TBC1D4: variants seen among roughly 807,000 people sequenced by gnomAD.
TBC1D4 encodes the protein TBC (Tre-2, BUB2, CDC16) domain-containing protein.
Under a neutral mutation model 142.5 loss-of-function variants are expected in TBC1D4, and 121 were observed. The observed-to-expected ratio is 0.85, with a 90% confidence interval of 0.73 to 0.99. The LOEUF is 0.99. Among genes scored for constraint, TBC1D4 ranks in the 50% least tolerant of loss-of-function variants. The pLI is 0.00. For missense variants in TBC1D4, 1,475 were observed against 1,606.6 expected, an observed-to-expected ratio of 0.92 and a Z score of 1.40; for synonymous variants, 630 against 628.2, an observed-to-expected ratio of 1.00 and a Z score of -0.04.
At chr13:75,313,610 C>T (rs1022713362) in intron 12 of TBC1D4, among the ~76,000 whole-genome samples, 1 of 152,216 alleles carries the variant, frequency 6.6e-6, no homozygotes, top group African/African-American at 2.4e-5. Context: ...CAGCCTCGAC[C>T]TCCCAGGCTC....
rs952952907 is a variant in TBC1D4, at chr13:75,405,817, CAA to C, written c.499-43212_499-43211del. On this transcript the variant is annotated intron_variant, in intron 1 of 20. Coordinates refer to ENST00000377636, the MANE Select transcript of TBC1D4 (RefSeq NM_014832.5). The stretch of plus-strand genomic sequence containing the variant: ...CTATGTACAAAATAAAGCACAGTTT[CAA>C]AGAGTAGACCCAAAAAAATGGAAGT... Among the ~76,000 whole-genome samples the C allele has an allele frequency of 1.0e-4, 11 of 105,468 alleles. No homozygotes were observed. The Admixed American group carries it at 1.2e-3, about 11-fold the overall frequency. The allele number at this position is 105,468 out of a possible 152,430, so 69.2% of individuals were successfully genotyped here.
chr13:75,460,668 C>T (rs1457097177), intron 1 of TBC1D4, among the ~76,000 whole-genome samples: 1 of 152,118 alleles, frequency 6.6e-6, no homozygotes, highest in African/African-American at 2.4e-5. Flanking sequence ...CGTCTGTAAT[C>T]CCAGCACTTT....
At chr13:75,409,041 G>GCA (rs138532626) in intron 1 of TBC1D4, among the ~76,000 whole-genome samples, 7,956 of 150,246 alleles carry the variant, frequency 0.053, 604 homozygotes, top group African/African-American at 0.17. Flanking sequence ...ATACACACAC[G>GCA]CACACACACA....
chr13:75,342,098 G>A (rs988860838), intron 5 of TBC1D4, among the ~76,000 whole-genome samples: 1 of 152,238 alleles, frequency 6.6e-6, no homozygotes, highest in East Asian at 1.9e-4. Flanking sequence ...CTCAGGAGGC[G>A]AGGCAGGAGA....
At chr13:75,432,933 C>A (rs1275857782) in intron 1 of TBC1D4, among the ~76,000 whole-genome samples, 1 of 145,810 alleles carries the variant, frequency 6.9e-6, no homozygotes, top group Non-Finnish European at 1.5e-5. Context: ...CAGACCGAGA[C>A]TGACTCAAAA....
chr13:75,383,804 G>C (rs1884005795), intron 1 of TBC1D4, among the ~76,000 whole-genome samples: 1 of 152,156 alleles, frequency 6.6e-6, no homozygotes, highest in Non-Finnish European at 1.5e-5. Flanking sequence ...ATAACGCGGG[G>C]CTACTGTATA....
rs559907 is a variant in TBC1D4 at position 75,303,135 on chromosome 13, T to C, written c.2753-734A>G. ...GTGTTCATTACCGGCCTGGCCAACA[T>C]GGTGAAACCCTGCCTCTACTAAAAA... On this transcript the variant is annotated intron_variant, in intron 15 of 20. Transcript: ENST00000377636. Among the ~76,000 whole-genome samples, 1,177 of 152,134 alleles carry C rather than the reference T, an allele frequency of 7.7e-3. 14 individuals are homozygous for C. Among genetic ancestry groups the C allele is most frequent in the African/African-American group, 0.027 (1,124 of 41,520 alleles).
chr13:75,460,099 C>T (rs528047730), intron 1 of TBC1D4, among the ~76,000 whole-genome samples: 4 of 152,062 alleles, frequency 2.6e-5, no homozygotes, highest in South Asian at 2.1e-4. Context: ...GCCGAGATCG[C>T]GCCACTGCAC....
At chr13:75,298,708 G>A (rs375109969) in intron 17 of TBC1D4, among the ~76,000 whole-genome samples, 24 of 152,050 alleles carry the variant, frequency 1.6e-4, no homozygotes, top group South Asian at 8.3e-4. Context: ...AGCCGAGATC[G>A]TGCCACTGCA....
At chr13:75,335,078 C>T (rs1880084438) in intron 8 of TBC1D4, among the ~76,000 whole-genome samples, 1 of 152,174 alleles carries the variant, frequency 6.6e-6, no homozygotes, top group South Asian at 2.1e-4. Context: ...CCTCAGCCTG[C>T]TTAGGCACCC....
intron 1 of TBC1D4, among the ~76,000 whole-genome samples, chr13:75,479,577 C>T (rs1182948358): frequency 1.3e-5 from 2 of 152,030 alleles, no homozygotes; most frequent in Non-Finnish European, 2.9e-5. Context: ...AACAATGTGT[C>T]ATGCATCAGA....
intron 1 of TBC1D4, among the ~76,000 whole-genome samples, chr13:75,475,459 T>C (rs762566942): frequency 1.3e-5 from 2 of 152,220 alleles, no homozygotes; most frequent in Non-Finnish European, 2.9e-5. Flanking sequence ...AACAGAAGCC[T>C]TGAGGTTTTT....
At position 75,351,564 on chromosome 13, in the gene TBC1D4, C is replaced by T. The variant is rs1881598844; in HGVS notation, c.1276-2262G>A. On this transcript the variant is annotated intron_variant, in intron 4 of 20. Transcript: ENST00000377636. ...AGGTATATCTCCTAAGGCTATCCTTCCCCCCTCCCCCCACCCCACAATAGT... is the reference window on the plus strand; with the variant it reads ...AGGTATATCTCCTAAGGCTATCCTTTCCCCCTCCCCCCACCCCACAATAGT... 2.8e-5 allele frequency among the ~76,000 whole-genome samples: 4 copies of T among 140,860 alleles called. No homozygotes were observed. The South Asian group carries it at 1.1e-3, about 38-fold the overall frequency. 92.4% of individuals were successfully genotyped at this position (140,860 alleles called of 152,430 possible).
In TBC1D4 at chr13:75,306,337, C is replaced by G. The variant is rs1877182995; in HGVS notation, c.2728G>C (p.Asp910His). The change falls in exon 15 of 21, where the codon GAT becomes CAT. Residue 910 changes from aspartate to histidine, a missense_variant. This residue lies in a region of TBC1D4 where 1,227 missense variants were observed against 1,267.7 expected (regional missense o/e 0.97). Transcript: ENST00000377636. Reference protein sequence around the residue: ...CRAKIRCDMEDIHTLLKEGVP... With the variant: ...CRAKIRCDMEHIHTLLKEGVP... ...CCTTCTTTAAGAAGAGTATGAATATCTTCCATATCACATCTGATTTTAGCT... is the reference window on the plus strand; with the variant it reads ...CCTTCTTTAAGAAGAGTATGAATATGTTCCATATCACATCTGATTTTAGCT... The G allele has an allele frequency of 6.2e-7, 1 of 1,611,934 alleles. No individual in the cohort carries two copies. The highest frequency in any genetic ancestry group is 1.3e-5 in the African/African-American group (1 of 74,824).
chr13:75,307,380 C>A (rs2137915950), intron 14 of TBC1D4, among the ~76,000 whole-genome samples: 1 of 152,186 alleles, frequency 6.6e-6, no homozygotes, highest in Admixed American at 6.5e-5. Flanking sequence ...ACATATCCGC[C>A]CAGAGCTCAT....
At chr13:75,289,904 C>CA (rs990467472) in intron 19 of TBC1D4, among the ~76,000 whole-genome samples, 36 of 152,194 alleles carry the variant, frequency 2.4e-4, no homozygotes, top group African/African-American at 7.5e-4. Flanking sequence ...AAAGAAACCA[C>CA]AAAAAACCTG....
chr13:75,358,860 T>G (rs566158008), intron 3 of TBC1D4, among the ~76,000 whole-genome samples: 2 of 152,050 alleles, frequency 1.3e-5, no homozygotes, highest in Non-Finnish European at 2.9e-5. Flanking sequence ...GAAGACCCTG[T>G]CTCCAAAAAT....
At chr13:75,414,773 A>G (rs1472489450) in intron 1 of TBC1D4, among the ~76,000 whole-genome samples, 1 of 152,196 alleles carries the variant, frequency 6.6e-6, no homozygotes, top group African/African-American at 2.4e-5. Flanking sequence ...AAAAATTCAT[A>G]GAAAGGCCAT....
intron 15 of TBC1D4, among the ~76,000 whole-genome samples, chr13:75,304,801 G>A (rs1876996275): frequency 6.6e-6 from 1 of 152,092 alleles, no homozygotes; most frequent in African/African-American, 2.4e-5. Context: ...AGAGAAGTAA[G>A]GAAGAAGGAG....
Sources: allele counts gnomAD v4.1 joint callset (sites outside exome capture counted in the v4.1 genomes callset), GRCh38; gene constraint gnomAD v4.1.1; regional missense constraint gnomAD v4.1.1; transcripts MANE v1.5; gene names NCBI Gene and HGNC (gene_info 2026-07-23, HGNC 2026-07-21).